SLC30A9: variants seen among roughly 807,000 people sequenced by gnomAD.
SLC30A9 encodes the protein solute carrier family 30 member 9, also known as proton-coupled zinc antiporter SLC30A9, mitochondrial.
Under a neutral mutation model 87.5 loss-of-function variants are expected in SLC30A9, and 58 were observed. The ratio of observed to expected loss-of-function variants is 0.66; its 90% CI spans 0.54 to 0.82. The LOEUF (loss-of-function observed/expected upper bound fraction) is 0.82, where lower values mean the gene tolerates loss of function less well. Ranked by LOEUF, SLC30A9 falls within the 40% of genes least tolerant of loss-of-function variation. The pLI is 0.00. For synonymous variants in SLC30A9, 234 were observed against 233.0 expected, an observed-to-expected ratio of 1.00 and a Z score of -0.04; for missense variants, 557 against 679.1, an observed-to-expected ratio of 0.82 and a Z score of 2.00.
At position 42,089,323 on chromosome 4, in the gene SLC30A9, A is replaced by G. The variant is rs527670428; in HGVS notation, c.*3197A>G. 6.6e-6 allele frequency: 1 copy of G among 152,348 alleles called. No individual in the cohort carries two copies. The highest frequency in any genetic ancestry group is 2.1e-4 in the South Asian group (1 of 4,832). 9.4% of individuals were successfully genotyped at this position (152,348 alleles called of 1,614,324 possible). A position where few individuals can be genotyped will look rare whatever the true frequency, so the allele number is the denominator to read the frequency against. ...CTGTACCTACTTTTAGCTTTGGCTG[A>G]GAATGGATCTCTAATTCACTGTAAG... On this transcript the variant is annotated 3_prime_UTR_variant, in exon 18 of 18. Coordinates refer to ENST00000264451, the MANE Select transcript of SLC30A9 (RefSeq NM_006345.4).
In SLC30A9 at chr4:42,025,302, C is replaced by T. The variant is rs569752366; in HGVS notation, c.610+1918C>T. Among the ~76,000 whole-genome samples, 59 of 152,222 alleles carry T rather than the reference C, an allele frequency of 3.9e-4. 1 individual carries two copies. Among genetic ancestry groups the T allele is most frequent in the Non-Finnish European group, 7.9e-4 (54 of 68,008 alleles). Reference sequence around the variant, plus strand: ...TTTTAGAAAAGTTAACTATCCATTGCCTGTAGTAAGCTGTCAGTCTTAGTA... The same window carrying T: ...TTTTAGAAAAGTTAACTATCCATTGTCTGTAGTAAGCTGTCAGTCTTAGTA... On this transcript the variant is annotated intron_variant, in intron 6 of 17. Coordinates refer to ENST00000264451, the MANE Select transcript of SLC30A9 (RefSeq NM_006345.4).
At chr4:42,019,969 A>AT (rs910238183) in intron 3 of SLC30A9, among the ~76,000 whole-genome samples, 87 of 146,984 alleles carry the variant, frequency 5.9e-4, no homozygotes, top group African/African-American at 1.2e-3. Flanking sequence ...AATTTTTTGT[A>AT]TTTTTTTTTT....
chr4:42,081,640 T>C (rs887720595), intron 17 of SLC30A9, among the ~76,000 whole-genome samples: 1 of 152,212 alleles, frequency 6.6e-6, no homozygotes, highest in African/African-American at 2.4e-5. Flanking sequence ...ATTCTACTTG[T>C]TTTTATTTTG....
At chr4:42,006,832 T>C (rs1254574684) in intron 2 of SLC30A9, among the ~76,000 whole-genome samples, 2 of 152,158 alleles carry the variant, frequency 1.3e-5, no homozygotes, top group Non-Finnish European at 2.9e-5. Context: ...TCCATATTCC[T>C]TTTAATTTTT....
chr4:42,015,246 T>G (rs1176936232), intron 2 of SLC30A9, among the ~76,000 whole-genome samples: 1 of 151,930 alleles, frequency 6.6e-6, no homozygotes, highest in Non-Finnish European at 1.5e-5. Context: ...TAATAAAAAG[T>G]TTTTTTTAAA....
intron 6 of SLC30A9, among the ~76,000 whole-genome samples, chr4:42,024,504 A>C (rs1370123389): frequency 1.3e-5 from 2 of 152,242 alleles, no homozygotes; most frequent in Non-Finnish European, 2.9e-5. Context: ...ACTGTTAGAA[A>C]GAATACATCA....
chr4:42,031,397 C>T (rs28712316), intron 6 of SLC30A9, among the ~76,000 whole-genome samples: 92,253 of 152,152 alleles, frequency 0.61, 33,392 homozygotes, highest in East Asian at 0.95. Flanking sequence ...TTAAATAGTG[C>T]AGTTGAGCAG....
At chr4:42,010,319 A>T (rs1715384556) in intron 2 of SLC30A9, among the ~76,000 whole-genome samples, 1 of 152,112 alleles carries the variant, frequency 6.6e-6, no homozygotes, top group African/African-American at 2.4e-5. Flanking sequence ...TCTACAAAAA[A>T]TAAAAGAATT....
chr4:42,057,469 T>A (rs746266071), intron 9 of SLC30A9, among the ~76,000 whole-genome samples: 3 of 152,182 alleles, frequency 2.0e-5, no homozygotes, highest in Non-Finnish European at 4.4e-5. Context: ...AAGCAATAGC[T>A]GGAGCTGTAC....
chr4:42,054,272 C>T (rs937489518), intron 9 of SLC30A9, among the ~76,000 whole-genome samples: 158 of 152,164 alleles, frequency 1.0e-3, no homozygotes, highest in Non-Finnish European at 1.9e-4. Flanking sequence ...ACAGGAGAAT[C>T]ACTTGAACCC....
rs148164128 is a variant in SLC30A9 at position 41,998,012 on chromosome 4, A to G, written c.110-3604A>G. Among the ~76,000 whole-genome samples the G allele has an allele frequency of 1.1e-4, 16 of 152,350 alleles. No individual in the cohort carries two copies. The East Asian group carries it at 3.1e-3, about 29-fold the overall frequency. ...AGTTGTTGTTGCGGAAGCAACGTAT[A>G]CAGTAGACTGAGTTGTCAGTTTGTG... is the stretch of plus-strand genomic sequence containing the variant. On this transcript the variant is annotated intron_variant, in intron 1 of 17. Coordinates refer to ENST00000264451, the MANE Select transcript of SLC30A9 (RefSeq NM_006345.4).
chr4:42,022,912 G>T lies in SLC30A9; in HGVS notation c.509G>T (p.Arg170Ile). 6.4e-7 allele frequency: 1 copy of T among 1,571,508 alleles called. No homozygotes were observed. Among genetic ancestry groups the T allele is most frequent in the African/African-American group, 1.4e-5 (1 of 73,790 alleles). The change falls in exon 5 of 18, where the codon AGA becomes ATA. Residue 170 changes from arginine to isoleucine, a missense_variant. Transcript: ENST00000264451. ...EDTESFTVYL[R>I]SDVEAKSLEV... ...ACTGAGTCTTTTACTGTATACTTGA[G>T]ATCAGATGTGGAAGCAAAGTAAGAA...
At chr4:41,996,066 G>A (rs2153132181) in intron 1 of SLC30A9, among the ~76,000 whole-genome samples, 1 of 151,968 alleles carries the variant, frequency 6.6e-6, no homozygotes, top group Non-Finnish European at 1.5e-5. Flanking sequence ...GTATGGTGGG[G>A]TGGTATGAAA....
chr4:42,078,168 T>C (rs759279659), intron 16 of SLC30A9, 44 bp from the exon 17 acceptor site: 3 of 952,190 alleles, frequency 3.2e-6, no homozygotes, highest in Admixed American at 2.3e-5. Flanking sequence ...TGTACCACTA[T>C]GGTTTTTTAA....
At chr4:42,042,191 C>T (rs755425033) in intron 8 of SLC30A9, among the ~76,000 whole-genome samples, 2 of 152,102 alleles carry the variant, frequency 1.3e-5, no homozygotes, top group Non-Finnish European at 2.9e-5. Context: ...AGTGGTGCCT[C>T]GAATGCCAGT....
intron 17 of SLC30A9, among the ~76,000 whole-genome samples, chr4:42,079,421 G>A (rs1718675104): frequency 1.3e-5 from 2 of 151,742 alleles, no homozygotes; most frequent in Admixed American, 6.6e-5. Context: ...TGCCTCCTGA[G>A]TAGCTGGGAC....
At chr4:42,082,900 T>A (rs1718793849) in intron 17 of SLC30A9, among the ~76,000 whole-genome samples, 2 of 152,034 alleles carry the variant, frequency 1.3e-5, no homozygotes, top group Non-Finnish European at 2.9e-5. Context: ...GTAAAGGTGT[T>A]AAAAATAATA....
intron 10 of SLC30A9, among the ~76,000 whole-genome samples, chr4:42,061,479 A>C: frequency 6.6e-6 from 1 of 152,350 alleles, no homozygotes; most frequent in South Asian, 2.1e-4. Context: ...TATTCATGTT[A>C]CTTTAGAAGA....
chr4:42,082,231 T>A (rs976381034), intron 17 of SLC30A9, among the ~76,000 whole-genome samples: 1,222 of 83,604 alleles, frequency 0.015, 11 homozygotes, highest in Middle Eastern at 0.032. Flanking sequence ...AAAAAAAAAA[T>A]AAATAAATAA....
Sources: allele counts gnomAD v4.1 joint callset (sites outside exome capture counted in the v4.1 genomes callset), GRCh38; gene constraint gnomAD v4.1.1; transcripts MANE v1.5; gene names NCBI Gene and HGNC (gene_info 2026-07-23, HGNC 2026-07-21).